Variants in BCKDHB observed in about 807,000 individuals in gnomAD.
The protein encoded by BCKDHB is 2-oxoisovalerate dehydrogenase subunit beta, mitochondrial.
BCKDHB carries 41 observed loss-of-function variants against 48.5 expected under a neutral mutation model. The ratio of observed to expected loss-of-function variants is 0.85; its 90% CI spans 0.66 to 1.10. The LOEUF (loss-of-function observed/expected upper bound fraction) is 1.10, where lower values mean the gene tolerates loss of function less well. BCKDHB is among the 50% of genes least tolerant of loss of function. The pLI is 0.00. For synonymous variants in BCKDHB, 201 were observed against 174.8 expected (o/e 1.15, Z -1.18); for missense variants, 496 against 494.2 (o/e 1.00, Z -0.03).
At chr6:80,324,451 T>C (rs1227855771) in intron 9 of BCKDHB, among the ~76,000 whole-genome samples, 7 of 151,966 alleles carry the variant, frequency 4.6e-5, no homozygotes, top group African/African-American at 1.2e-4. Flanking sequence ...TTTGATAAGT[T>C]TTGGTAGTGA....
chr6:80,446,862 T>C, the BCKDHB span, among the ~76,000 whole-genome samples: 902 of 152,012 alleles, frequency 5.9e-3, 9 homozygotes, highest in African/African-American at 0.02. Flanking sequence ...TTGGAATGTC[T>C]GTGGTCGAGG....
the BCKDHB span, among the ~76,000 whole-genome samples, chr6:80,434,783 G>A: frequency 6.6e-6 from 1 of 152,120 alleles, no homozygotes; most frequent in Non-Finnish European, 1.5e-5. Flanking sequence ...TACTCTGGCT[G>A]GTGGAAATAT....
the BCKDHB span, among the ~76,000 whole-genome samples, chr6:80,419,727 C>A: frequency 1.3e-5 from 2 of 152,198 alleles, no homozygotes; most frequent in African/African-American, 4.8e-5. Context: ...TGCTCCTTAC[C>A]AGTTCAACTC....
downstream of BCKDHB, among the ~76,000 whole-genome samples, chr6:80,349,916 T>C (rs1770347536): frequency 6.6e-6 from 1 of 152,106 alleles, no homozygotes; most frequent in Admixed American, 6.5e-5. Flanking sequence ...CATAGTAGAA[T>C]AGAATCAATA....
At chr6:80,318,736 A>C (rs1386213453) in intron 9 of BCKDHB, among the ~76,000 whole-genome samples, 3 of 151,636 alleles carry the variant, frequency 2.0e-5, no homozygotes, top group African/African-American at 4.8e-5. Context: ...ATTGTACTGA[A>C]CATGTACAGA....
At chr6:80,217,387 T>C (rs1266418622) in intron 8 of BCKDHB, among the ~76,000 whole-genome samples, 1 of 152,262 alleles carries the variant, frequency 6.6e-6, no homozygotes, top group Non-Finnish European at 1.5e-5. Context: ...ATATTTTCTT[T>C]TATGTGTTTA....
the BCKDHB span, among the ~76,000 whole-genome samples, chr6:80,438,241 C>A: frequency 6.6e-6 from 1 of 152,214 alleles, no homozygotes; most frequent in African/African-American, 2.4e-5. Flanking sequence ...TGTTCTGCAA[C>A]GTATTTTTGT....
At chr6:80,384,440 C>T in the BCKDHB span, among the ~76,000 whole-genome samples, 4 of 151,832 alleles carry the variant, frequency 2.6e-5, no homozygotes, top group Non-Finnish European at 5.9e-5. Flanking sequence ...CACACTCCAA[C>T]CTCTACCTCC....
intron 6 of BCKDHB, among the ~76,000 whole-genome samples, chr6:80,199,186 G>A (rs1774267567): frequency 6.6e-6 from 1 of 151,988 alleles, no homozygotes; most frequent in Admixed American, 6.6e-5. Flanking sequence ...GTGGACAAAG[G>A]GCCCTGCCTC....
At chr6:80,433,883 G>A in the BCKDHB span, among the ~76,000 whole-genome samples, 2 of 152,018 alleles carry the variant, frequency 1.3e-5, no homozygotes, top group Non-Finnish European at 2.9e-5. Context: ...GGGTTTGTAG[G>A]CTTTATCATA....
the BCKDHB span, among the ~76,000 whole-genome samples, chr6:80,371,263 T>C: frequency 6.6e-6 from 1 of 152,188 alleles, no homozygotes; most frequent in South Asian, 2.1e-4. Flanking sequence ...TTTTTTCATA[T>C]GTTTGTTGGT....
intron 7 of BCKDHB, 67 bp from the exon 8 acceptor site, chr6:80,203,035 C>T: frequency 1.0e-6 from 1 of 1,000,584 alleles, no homozygotes; most frequent in Non-Finnish European, 1.6e-6. Flanking sequence ...GTGACATCAG[C>T]ATTCAACTAG....
intron 8 of BCKDHB, among the ~76,000 whole-genome samples, chr6:80,246,386 A>G (rs1166648624): frequency 6.6e-6 from 1 of 152,154 alleles, no homozygotes; most frequent in Non-Finnish European, 1.5e-5. Context: ...GCATTGCTAT[A>G]CAACAATTGG....
At chr6:80,358,873 T>C in the BCKDHB span, among the ~76,000 whole-genome samples, 1 of 152,202 alleles carries the variant, frequency 6.6e-6, no homozygotes. Flanking sequence ...GTGACTATCA[T>C]AAAATAAATT....
intron 9 of BCKDHB, among the ~76,000 whole-genome samples, chr6:80,317,507 A>G (rs547634813): frequency 3.3e-5 from 5 of 152,214 alleles, no homozygotes; most frequent in African/African-American, 1.2e-4. Context: ...CCCTTCTTCT[A>G]TAGTCACAGC....
At position 80,124,944 on chromosome 6, in the gene BCKDHB, A is replaced by G. The variant is rs565871536; in HGVS notation, c.197-2603A>G. Among the ~76,000 whole-genome samples, 10 of 152,304 alleles carry G rather than the reference A, an allele frequency of 6.6e-5. No homozygotes were observed. In the East Asian group the frequency reaches 1.9e-3, roughly 29 times the overall value. On this transcript the variant is annotated intron_variant, in intron 1 of 9. Coordinates refer to ENST00000320393, the MANE Select transcript of BCKDHB (RefSeq NM_183050.4). The stretch of plus-strand genomic sequence containing the variant: ...TGAATGAACATTGGCTTCAACTTCA[A>G]ATCACCAGCTACATTAGCCCCTTAC...
rs116771533 is a variant in BCKDHB, at chr6:80,273,303, A to G, written c.1038+82A>G. 717 of 1,161,840 alleles carry G rather than the reference A, an allele frequency of 6.2e-4. 6 individuals carry two copies. The African/African-American group carries it at 9.6e-3, about 15-fold the overall frequency. 72.0% of individuals were successfully genotyped at this position (1,161,840 alleles called of 1,614,324 possible). On this transcript the variant is annotated intron_variant, in intron 9 of 9. Coordinates refer to ENST00000320393, the MANE Select transcript of BCKDHB (RefSeq NM_183050.4). ...AGAAGAAAATAAATTACTTATCACA[A>G]TATGTGAAAGCATACACTTTATGGA...
At chr6:80,196,783 G>A (rs1774149562) in intron 6 of BCKDHB, among the ~76,000 whole-genome samples, 1 of 152,128 alleles carries the variant, frequency 6.6e-6, no homozygotes, top group South Asian at 2.1e-4. Context: ...CAAATTCACA[G>A]CATGAATCTC....
chr6:80,366,949 G>A, the BCKDHB span, among the ~76,000 whole-genome samples: 62 of 152,324 alleles, frequency 4.1e-4, 2 homozygotes, highest in East Asian at 0.012. Context: ...AGGCAGCCAT[G>A]CAAAGTCTTG....
Sources: allele counts gnomAD v4.1 joint callset (sites outside exome capture counted in the v4.1 genomes callset), GRCh38; gene constraint gnomAD v4.1.1; transcripts MANE v1.5; gene names NCBI Gene and HGNC (gene_info 2026-07-23, HGNC 2026-07-21).